The following SLC25A12 variants were observed in gnomAD, a reference collection of about 807,000 sequenced individuals.
SLC25A12 encodes solute carrier family 25 member 12.
In SLC25A12, 32 loss-of-function variants were observed where a neutral mutation model predicts 83.3. That is an observed-to-expected ratio of 0.38 (90% confidence interval 0.29 to 0.52). The LOEUF is 0.52. SLC25A12 is among the 20% of genes least tolerant of loss of function. The pLI, the probability that SLC25A12 is intolerant of heterozygous loss-of-function variation, is 0.84. For missense variants in SLC25A12, 611 were observed against 835.6 expected (o/e 0.73, Z 3.31); for synonymous variants, 267 against 291.1 (o/e 0.92, Z 0.84).
At chr2:171,861,532 G>C (rs1259049112) in intron 3 of SLC25A12, among the ~76,000 whole-genome samples, 1 of 152,122 alleles carries the variant, frequency 6.6e-6, no homozygotes, top group East Asian at 1.9e-4. Context: ...TCAGCCTCCT[G>C]AGTAGCTGGG....
intron 8 of SLC25A12, among the ~76,000 whole-genome samples, chr2:171,827,907 A>G (rs1018672559): frequency 6.6e-6 from 1 of 151,182 alleles, no homozygotes; most frequent in African/African-American, 2.4e-5. Flanking sequence ...CACAGGCTAG[A>G]GCTATCTCCA....
At chr2:171,802,493 TG>T (rs1683728434) in intron 13 of SLC25A12, among the ~76,000 whole-genome samples, 1 of 152,006 alleles carries the variant, frequency 6.6e-6, no homozygotes, top group South Asian at 2.1e-4. Context: ...AATCTGAAAA[TG>T]GGCCAGGCAC....
chr2:171,791,841 A>G (rs529163999), intron 14 of SLC25A12, among the ~76,000 whole-genome samples: 2 of 152,282 alleles, frequency 1.3e-5, no homozygotes, highest in South Asian at 4.2e-4. Context: ...AGAGTTAATA[A>G]CTGGGTAATG....
intron 14 of SLC25A12, 144 bp downstream of exon 14, chr2:171,793,483 G>A (rs936825371): frequency 2.0e-5 from 16 of 820,402 alleles, no homozygotes; most frequent in Non-Finnish European, 3.2e-5. Context: ...TCATACAAGT[G>A]TCCTGATTCT....
chr2:171,865,889 G>C (rs1228719242), intron 3 of SLC25A12, among the ~76,000 whole-genome samples: 3 of 150,924 alleles, frequency 2.0e-5, no homozygotes, highest in South Asian at 4.2e-4. Flanking sequence ...GTTTCTCGCA[G>C]AGGGGGATTT....
At chr2:171,856,300 T>G (rs17848721) in intron 3 of SLC25A12, among the ~76,000 whole-genome samples, 1 of 151,792 alleles carries the variant, frequency 6.6e-6, no homozygotes. Context: ...GTTGTGGGGG[T>G]TTCCTGTGCT....
chr2:171,863,451 G>A (rs142445252), intron 3 of SLC25A12, among the ~76,000 whole-genome samples: 2,743 of 151,792 alleles, frequency 0.018, 52 homozygotes, highest in Admixed American at 0.067. Context: ...ACTTGAACCC[G>A]GAAGGCAGTG....
chr2:171,827,825 T>C (rs1684339318), intron 8 of SLC25A12, among the ~76,000 whole-genome samples: 1 of 152,150 alleles, frequency 6.6e-6, no homozygotes, highest in South Asian at 2.1e-4. Context: ...AAGCCCAAAT[T>C]TGGGGATTTA....
At chr2:171,849,205 A>C (rs1684860732) in intron 4 of SLC25A12, among the ~76,000 whole-genome samples, 1 of 136,620 alleles carries the variant, frequency 7.3e-6, no homozygotes, top group Admixed American at 7.8e-5. Context: ...TAATAAATAA[A>C]TACATACATA....
intron 4 of SLC25A12, among the ~76,000 whole-genome samples, chr2:171,853,656 G>C (rs141008477): frequency 1.2e-3 from 188 of 152,256 alleles, no homozygotes; most frequent in African/African-American, 4.3e-3. Flanking sequence ...ACTCCAGCCT[G>C]GGTGACAGAG....
intron 13 of SLC25A12, among the ~76,000 whole-genome samples, chr2:171,808,074 C>A (rs1205816522): frequency 6.6e-6 from 1 of 152,228 alleles, no homozygotes; most frequent in African/African-American, 2.4e-5. Context: ...GCCAATTCAA[C>A]TGGAAGTTAT....
At chr2:171,854,247 C>T (rs1419713134) in intron 4 of SLC25A12, among the ~76,000 whole-genome samples, 1 of 152,152 alleles carries the variant, frequency 6.6e-6, no homozygotes, top group Non-Finnish European at 1.5e-5. Flanking sequence ...AGGAGGATGC[C>T]AAGATTTATA....
intron 2 of SLC25A12, among the ~76,000 whole-genome samples, chr2:171,881,836 G>A (rs1017930434): frequency 6.6e-6 from 1 of 152,040 alleles, no homozygotes; most frequent in African/African-American, 2.4e-5. Flanking sequence ...CCATGGGATG[G>A]GAGGGGTAGG....
chr2:171,844,572 G>A, intron 4 of SLC25A12, 64 bp from the exon 5 acceptor site: 2 of 1,131,686 alleles, frequency 1.8e-6, no homozygotes, highest in East Asian at 2.4e-5. Flanking sequence ...CCACTGCAAT[G>A]TTCCTACAGA....
intron 13 of SLC25A12, among the ~76,000 whole-genome samples, chr2:171,794,337 A>C (rs890862673): frequency 1.3e-5 from 2 of 152,212 alleles, no homozygotes; most frequent in African/African-American, 4.8e-5. Context: ...GTATTATCCT[A>C]AGCAAAACTC....
At chr2:171,816,459 C>A (rs1684052147) in intron 9 of SLC25A12, among the ~76,000 whole-genome samples, 1 of 152,114 alleles carries the variant, frequency 6.6e-6, no homozygotes, top group Non-Finnish European at 1.5e-5. Flanking sequence ...ATAACCTATG[C>A]ACATCCTCTT....
At chr2:171,844,062 G>C (rs765114297) in intron 5 of SLC25A12, among the ~76,000 whole-genome samples, 17 of 152,162 alleles carry the variant, frequency 1.1e-4, no homozygotes, top group Non-Finnish European at 2.5e-4. Flanking sequence ...TGGGATTACA[G>C]GCGTGAGCCA....
At chr2:171,789,377 C>T (rs570636818) in intron 15 of SLC25A12, among the ~76,000 whole-genome samples, 136 of 152,074 alleles carry the variant, frequency 8.9e-4, no homozygotes, top group Middle Eastern at 3.4e-3. Context: ...TACAGAAGCC[C>T]GCCACCACGC....
intron 3 of SLC25A12, among the ~76,000 whole-genome samples, chr2:171,867,441 G>A: frequency 6.6e-6 from 1 of 152,198 alleles, no homozygotes. Flanking sequence ...GACCAGCCCG[G>A]CCAACACAGC....
Sources: allele counts gnomAD v4.1 joint callset (sites outside exome capture counted in the v4.1 genomes callset), GRCh38; gene constraint gnomAD v4.1.1; transcripts MANE v1.5; gene names NCBI Gene and HGNC (gene_info 2026-07-23, HGNC 2026-07-21).